Variants in FER1L5 observed in about 807,000 individuals in gnomAD.
The protein encoded by FER1L5 is fer-1-like protein 5.
FER1L5 carries 187 observed loss-of-function variants against 279.9 expected under a neutral mutation model. That is an observed-to-expected ratio of 0.67 (90% CI 0.59 to 0.75). FER1L5 has a LOEUF of 0.75. Ranked by LOEUF, FER1L5 falls within the 30% of genes least tolerant of loss-of-function variation. The pLI, the probability that FER1L5 is intolerant of heterozygous loss-of-function variation, is 0.00. For synonymous variants in FER1L5, 921 were observed against 989.7 expected, an observed-to-expected ratio of 0.93 and a Z score of 1.30; for missense variants, 2,091 against 2,594.4, an observed-to-expected ratio of 0.81 and a Z score of 4.21.
intron 23 of FER1L5, 95 bp from the exon 24 acceptor site, chr2:96,687,721 G>GA (rs1444257063): frequency 1.3e-6 from 2 of 1,500,698 alleles, no homozygotes; most frequent in East Asian, 2.5e-5. Flanking sequence ...CCAGGGCTCA[G>GA]GGGGGAAGGG....
At chr2:96,655,778 C>T (rs978068192) in intron 9 of FER1L5, among the ~76,000 whole-genome samples, 6 of 152,080 alleles carry the variant, frequency 3.9e-5, no homozygotes, top group East Asian at 1.9e-4. Flanking sequence ...GGTGCAATCC[C>T]GGCTCACTGC....
At chr2:96,695,932 C>T in intron 36 of FER1L5, 28 bp downstream of exon 36, 2 of 1,611,338 alleles carry the variant, frequency 1.2e-6, no homozygotes, top group South Asian at 1.1e-5. Context: ...TGCCTTTCCC[C>T]AGGCCTCACA....
At chr2:96,671,719 G>A (rs1395049733) in intron 18 of FER1L5, among the ~76,000 whole-genome samples, 5 of 152,226 alleles carry the variant, frequency 3.3e-5, no homozygotes, top group Non-Finnish European at 5.9e-5. Flanking sequence ...CAGTCTAAGA[G>A]GCAGGTGAAA....
Position 96,686,015 on chromosome 2 carries a change from C to T in FER1L5, c.1971C>T (p.Leu657=), listed in dbSNP as rs757289534. The T allele has an allele frequency of 6.4e-6, 10 of 1,551,430 alleles. No individual in the cohort carries two copies. The Admixed American group carries it at 1.8e-4, about 27-fold the overall frequency. Residue 657 remains leucine, a synonymous_variant, in exon 22 of 53, where the codon CTC becomes CTT. Coordinates refer to ENST00000624922, the MANE Select transcript of FER1L5 (RefSeq NM_001293083.2). The stretch of plus-strand genomic sequence containing the variant: ...GGAAGAGGTGGCAGCTCCGCAGCCT[C>T]CTCCTGCAGGAACTGGCCCAAAAGG... ...LDRKRWQLRS[L]LLQELAQKAK...
rs1188620079 is a variant in FER1L5, at chr2:96,699,653, A to G, written c.4714A>G (p.Ile1572Val). The change falls in exon 43 of 53, where the codon ATC (isoleucine) becomes GTC (valine). Residue 1572 changes from isoleucine (I) to valine (V), a missense_variant. Ile to Val is a conservative substitution (Grantham distance 29). Transcript: ENST00000624922. ...TGATGATAAGATAGGAACCACAGTC[A>G]TCGACCTTGAAAACCGACTCCTATC... ...SPDDKIGTTV[I>V]DLENRLLSGF... 42 of 1,613,928 alleles carry G rather than the reference A, an allele frequency of 2.6e-5. No homozygotes were observed. Among genetic ancestry groups the G allele is most frequent in the Admixed American group, 5.0e-5 (3 of 60,004 alleles).
At chr2:96,653,345 C>G in intron 7 of FER1L5, 1 of 348,410 alleles carries the variant, frequency 2.9e-6, no homozygotes. Flanking sequence ...TTTTGGGAAT[C>G]TGGAATATTT....
intron 6 of FER1L5, among the ~76,000 whole-genome samples, 164 bp downstream of exon 6, chr2:96,650,453 C>T (rs1360718264): frequency 6.6e-6 from 1 of 152,198 alleles, no homozygotes; most frequent in Non-Finnish European, 1.5e-5. Flanking sequence ...CCTCCCATGG[C>T]CGTTCTGGAA....
rs1249755008 is a variant in FER1L5, at chr2:96,669,093, C to T, written c.1318C>T (p.His440Tyr). Residue 440 changes from histidine (H) to tyrosine (Y), a missense_variant, in exon 17 of 53, where the codon CAT becomes TAT. Coordinates refer to ENST00000624922, the MANE Select transcript of FER1L5 (RefSeq NM_001293083.2). ...CTTTGGCCCCAGCTTCCTGACTCTG[C>T]ATGGGGGTAAAAAGGCCCCTTTCAG... ...PCFGPSFLTLHGGKKAPFRIQ... is the reference protein window; with the variant it reads ...PCFGPSFLTLYGGKKAPFRIQ... 2 of 1,551,724 alleles carry T rather than the reference C, an allele frequency of 1.3e-6. No individual in the cohort carries two copies. The highest frequency in any genetic ancestry group is 2.4e-5 in the South Asian group (2 of 84,060).
At position 96,673,129 on chromosome 2, in the gene FER1L5, C is replaced by T. The variant is rs1010588091; in HGVS notation, c.1544C>T (p.Thr515Ile). Reference protein sequence around the residue: ...YGLCVIFLSCTMMPNFKELIH... With the variant: ...YGLCVIFLSCIMMPNFKELIH... ...CTGTGCGTCATCTTCCTTTCCTGTA[C>T]CATGATGCCCAACTTTAAAGAGCTG... Residue 515 changes from threonine to isoleucine, a missense_variant, in exon 19 of 53, where the codon ACC becomes ATC. Physicochemically the swap from Thr to Ile is moderately conservative, Grantham distance 89. Transcript: ENST00000624922. The T allele has an allele frequency of 1.9e-6, 3 of 1,551,548 alleles. No individual in the cohort carries two copies. Among genetic ancestry groups the T allele is most frequent in the Non-Finnish European group, 2.6e-6 (3 of 1,146,958 alleles).
rs1048624789 is a variant in FER1L5, at chr2:96,702,233, G to T, written c.5160-73G>T. On this transcript the variant is annotated intron_variant, in intron 46 of 52. Coordinates refer to ENST00000624922, the MANE Select transcript of FER1L5 (RefSeq NM_001293083.2). This position sits in a 1 kb window ranked among gnomAD's most constrained non-coding sequence, Gnocchi z 4.0. The stretch of plus-strand genomic sequence containing the variant: ...AAAAACACACAGGGCAGCCTCCCAG[G>T]CTTCTCTGCCCTCACTGAGGCTGCA... The T allele has an allele frequency of 6.3e-7, 1 of 1,576,088 alleles. No homozygotes were observed. Among genetic ancestry groups the T allele is most frequent in the Non-Finnish European group, 8.6e-7 (1 of 1,161,310 alleles).
intron 18 of FER1L5, among the ~76,000 whole-genome samples, chr2:96,671,633 T>C (rs1360466479): frequency 6.6e-6 from 1 of 152,200 alleles, no homozygotes; most frequent in African/African-American, 2.4e-5. Flanking sequence ...CACCAAGGTT[T>C]GAACCTGTGG....
rs549271935 is a variant in FER1L5, at chr2:96,686,145, C to A, written c.2073+28C>A. 66 of 1,546,922 alleles carry A rather than the reference C, an allele frequency of 4.3e-5. No homozygotes were observed. In the African/African-American group the frequency reaches 8.2e-4, roughly 19 times the overall value. The stretch of plus-strand genomic sequence containing the variant: ...GGGTGCTGCACACACTGGCCTGCAG[C>A]AGGGCTGGGAGCCAGCCGCGCAGGG... On this transcript the variant is annotated intron_variant, in intron 22 of 52. Coordinates refer to ENST00000624922, the MANE Select transcript of FER1L5 (RefSeq NM_001293083.2).
chr2:96,698,247 T>A lies in FER1L5; in HGVS notation c.4356+91T>A. ...TAAAAGCCCTGGCTCTATATGCTCA[T>A]TGTGAAGATGGAGCAGGGCTTGAGA... On this transcript the variant is annotated intron_variant, in intron 40 of 52. Coordinates refer to ENST00000624922, the MANE Select transcript of FER1L5 (RefSeq NM_001293083.2). This position sits in a 1 kb window ranked among gnomAD's most constrained non-coding sequence, Gnocchi z 5.5. 1.4e-6 allele frequency: 2 copies of A among 1,463,000 alleles called. No homozygotes were observed. Among genetic ancestry groups the A allele is most frequent in the Non-Finnish European group, 1.8e-6 (2 of 1,096,980 alleles). The allele number at this position is 1,463,000 out of a possible 1,614,324, so 90.6% of individuals were successfully genotyped here.
intron 2 of FER1L5, 28 bp downstream of exon 2, chr2:96,646,481 G>A: frequency 1.3e-6 from 2 of 1,551,208 alleles, no homozygotes; most frequent in East Asian, 2.4e-5. Context: ...CCCAGAAGAG[G>A]AAATAACAAC....
At chr2:96,679,849 A>C (rs2076652707) in intron 19 of FER1L5, among the ~76,000 whole-genome samples, 1 of 151,890 alleles carries the variant, frequency 6.6e-6, no homozygotes, top group South Asian at 2.1e-4. Context: ...CCCTCACTGA[A>C]TTGTCTGCAG....
At chr2:96,673,294 T>C (rs750074125) in intron 19 of FER1L5, 40 bp downstream of exon 19, 4 of 1,526,914 alleles carry the variant, frequency 2.6e-6, no homozygotes, top group Non-Finnish European at 3.5e-6. Context: ...GAGCAGCCAC[T>C]GCATGCCAGG....
At chr2:96,673,773 GT>G (rs1356675054) in intron 19 of FER1L5, among the ~76,000 whole-genome samples, 1 of 152,166 alleles carries the variant, frequency 6.6e-6, no homozygotes, top group African/African-American at 2.4e-5. Flanking sequence ...CTGGAAACTT[GT>G]TAGAAATGCA....
chr2:96,703,729 CTCCCA>C, intron 51 of FER1L5, 97 bp downstream of exon 51: 1 of 1,020,082 alleles, frequency 9.8e-7, no homozygotes, highest in Non-Finnish European at 1.5e-6. Context: ...TGGTAATTAC[CTCCCA>C]CCCCACAGCT....
rs751241483 is a variant in FER1L5, at chr2:96,704,640, C to G, written c.6122C>G (p.Pro2041Arg). 6.8e-6 allele frequency: 11 copies of G among 1,613,864 alleles called. No homozygotes were observed. Among genetic ancestry groups the G allele is most frequent in the African/African-American group, 6.7e-5 (5 of 74,906 alleles). ...IDHEWKLHPG[P>R]TNHLSDIFPE... is the part of the protein sequence containing the mutation. ...CATGAGTGGAAACTCCACCCAGGAC[C>G]CACAAATCACCTGAGTGATATTTTC... The change falls in exon 53 of 53, where the codon CCC becomes CGC. Residue 2041 changes from proline (P) to arginine (R), a missense_variant. Physicochemically the swap from Pro to Arg is moderately radical, Grantham distance 103 (BLOSUM62 -2). Coordinates refer to ENST00000624922, the MANE Select transcript of FER1L5 (RefSeq NM_001293083.2).
Sources: gnomAD v4.1 joint callset for allele counts (sites outside exome capture counted in the v4.1 genomes callset) on GRCh38, gnomAD v4.1.1 for gene constraint, Gnocchi (gnomAD v3.1) non-coding constraint, MANE v1.5 for transcripts, NCBI Gene and HGNC (gene_info 2026-07-23, HGNC 2026-07-21) for gene names.